Variants in CHRND observed in about 807,000 individuals in gnomAD.
CHRND encodes the protein acetylcholine receptor subunit delta.
Under a neutral mutation model 57.8 loss-of-function variants are expected in CHRND, and 40 were observed. That is an observed-to-expected ratio of 0.69 (90% CI 0.54 to 0.90). The LOEUF is 0.90. Ranked by LOEUF, CHRND falls within the 40% of genes least tolerant of loss-of-function variation. The pLI is 0.00. For missense variants in CHRND, 634 were observed against 673.9 expected (o/e 0.94, Z 0.66); for synonymous variants, 237 against 270.6 (o/e 0.88, Z 1.22).
At chr2:232,533,866 ACT>A in intron 9 of CHRND, 63 bp from the exon 10 acceptor site, 1 of 1,533,656 alleles carries the variant, frequency 6.5e-7, no homozygotes, top group Non-Finnish European at 8.9e-7. Context: ...ACAGAATGAG[ACT>A]CCGTCTCAAA....
At chr2:232,529,618 G>A (rs1291018462) in intron 6 of CHRND, among the ~76,000 whole-genome samples, 1 of 152,232 alleles carries the variant, frequency 6.6e-6, no homozygotes, top group African/African-American at 2.4e-5. Flanking sequence ...GTTTGACTTG[G>A]TGTCTTAATC....
At chr2:232,529,817 C>T (rs779304314) in intron 6 of CHRND, 122 bp from the exon 7 acceptor site, 52 of 1,019,370 alleles carry the variant, frequency 5.1e-5, no homozygotes, top group Non-Finnish European at 7.1e-5. Context: ...AACGGGACCC[C>T]GTAGACAGCC....
rs904304494 is a variant in CHRND at position 232,536,404 on chromosome 2, G to C, written c.*1092G>C. On this transcript the variant is annotated 3_prime_UTR_variant, in exon 12 of 12. Coordinates refer to ENST00000258385, the MANE Select transcript of CHRND (RefSeq NM_000751.3). The stretch of plus-strand genomic sequence containing the variant: ...CACATCAGTTGGATCTCTCACTTTG[G>C]GGAAGCCAGCTGGCATGTTAAGGAG... 1.1e-5 allele frequency: 5 copies of C among 453,976 alleles called. No homozygotes were observed. Among genetic ancestry groups the C allele is most frequent in the Admixed American group, 4.7e-5 (2 of 42,560 alleles). The allele number at this position is 453,976 out of a possible 1,614,324, so 28.1% of individuals were successfully genotyped here.
At position 232,527,310 on chromosome 2, in the gene CHRND, AAG is replaced by A. The variant is rs1553573947; in HGVS notation, c.199-68_199-67del. The A allele has an allele frequency of 0.034, 29,193 of 857,004 alleles. 89 individuals carry two copies. The highest frequency in any genetic ancestry group is 0.042 in the Non-Finnish European group (22,611 of 534,352). 53.1% of individuals were successfully genotyped at this position (857,004 alleles called of 1,614,324 possible). ...AATTGAGCAAGACCCTGGAAAAAAA[AAG>A]AGAGAGAGAGAGAGAGAGAGAGTGG... On this transcript the variant is annotated intron_variant, in intron 2 of 11. Transcript: ENST00000258385.
At chr2:232,533,613 G>A (rs916519263) in intron 9 of CHRND, among the ~76,000 whole-genome samples, 4 of 152,140 alleles carry the variant, frequency 2.6e-5, no homozygotes, top group African/African-American at 9.7e-5. Flanking sequence ...CAGACACGGT[G>A]CCTCGCCCGT....
chr2:232,530,893 C>G (rs935485573), intron 7 of CHRND, among the ~76,000 whole-genome samples: 1 of 152,148 alleles, frequency 6.6e-6, no homozygotes, highest in Admixed American at 6.5e-5. Context: ...CAGCACTGGG[C>G]TGGGGTCTCT....
intron 9 of CHRND, 21 bp downstream of exon 9, chr2:232,531,677 A>C: frequency 6.3e-7 from 1 of 1,591,958 alleles, no homozygotes. Context: ...GGCCCGGCGC[A>C]AAAGCTCACC....
Position 232,530,044 on chromosome 2 carries a change from T to TCCG in CHRND, c.730_732dup (p.Arg244dup). On this transcript the variant is annotated inframe_insertion, in exon 7 of 12. Transcript: ENST00000258385. ...CAGGACATCACCTTCTACCTCATCA[T>TCCG]CCGCCGCAAGCCCCTCTTCTACATC... The TCCG allele has an allele frequency of 4.3e-6, 7 of 1,614,038 alleles. No individual in the cohort carries two copies. The highest frequency in any genetic ancestry group is 5.9e-6 in the Non-Finnish European group (7 of 1,179,994).
intron 9 of CHRND, among the ~76,000 whole-genome samples, chr2:232,532,053 G>A (rs1233326155): frequency 1.3e-5 from 2 of 151,836 alleles, no homozygotes; most frequent in East Asian, 3.9e-4. Flanking sequence ...CAGCTACTCG[G>A]GAGGCTGAGG....
chr2:232,528,210 A>G (rs1691553451), intron 3 of CHRND, 52 bp from the exon 4 acceptor site: 4 of 1,548,592 alleles, frequency 2.6e-6, no homozygotes, highest in Non-Finnish European at 3.6e-6. Flanking sequence ...GGGGGGAGCC[A>G]GGAGCCTGGA....
At chr2:232,526,471 T>C (rs1691470863) in intron 1 of CHRND, 58 bp from the exon 2 acceptor site, 1 of 1,610,748 alleles carries the variant, frequency 6.2e-7, no homozygotes, top group Admixed American at 1.7e-5. Flanking sequence ...CAGGGCAGCT[T>C]CCTTCCTGAG....
chr2:232,533,894 A>C, intron 9 of CHRND, 37 bp from the exon 10 acceptor site: 1 of 1,603,950 alleles, frequency 6.2e-7, no homozygotes, highest in East Asian at 2.2e-5. Context: ...AGAACAAAAA[A>C]CAACGCCTTT....
intron 9 of CHRND, among the ~76,000 whole-genome samples, chr2:232,532,933 G>A (rs953785618): frequency 1.3e-5 from 2 of 152,220 alleles, no homozygotes; most frequent in African/African-American, 2.4e-5. Flanking sequence ...AGGACTGAGT[G>A]CAGGGTGCTC....
chr2:232,532,278 G>T (rs1251867711), intron 9 of CHRND, among the ~76,000 whole-genome samples: 1 of 151,908 alleles, frequency 6.6e-6, no homozygotes, highest in East Asian at 1.9e-4. Flanking sequence ...GACCACCCTG[G>T]CCAACATGGT....
At chr2:232,533,794 T>C in intron 9 of CHRND, 137 bp from the exon 10 acceptor site, 2 of 884,088 alleles carry the variant, frequency 2.3e-6, no homozygotes, top group Non-Finnish European at 3.7e-6. Context: ...AAGAAATCAC[T>C]TGAACCCGAG....
At chr2:232,527,312 G>GAC in intron 2 of CHRND, 89 bp from the exon 3 acceptor site, 1 of 432,096 alleles carries the variant, frequency 2.3e-6, no homozygotes, top group Non-Finnish European at 4.0e-6. Context: ...GAAAAAAAAA[G>GAC]AGAGAGAGAG....
rs1559296799 is a variant in CHRND, at chr2:232,531,646, G to A, written c.1037G>A (p.Gly346Glu). 1.2e-6 allele frequency: 2 copies of A among 1,612,972 alleles called. No homozygotes were observed. Among genetic ancestry groups the A allele is most frequent in the Non-Finnish European group, 1.7e-6 (2 of 1,179,834 alleles). The change falls in exon 9 of 12, where the codon GGG becomes GAG. Residue 346 changes from glycine to glutamate, a missense_variant. Transcript: ENST00000258385. ...RTPSTHVLSE[G>E]VKKLFLETLP... is the part of the protein sequence containing the mutation. ...CCCAGCACCCATGTGCTGTCTGAGGGGGTCAAGAAGGTGAGTACTTGGCCC... is the reference window on the plus strand; with the variant it reads ...CCCAGCACCCATGTGCTGTCTGAGGAGGTCAAGAAGGTGAGTACTTGGCCC...
At chr2:232,529,138 C>T (rs1487777194) in intron 6 of CHRND, among the ~76,000 whole-genome samples, 167 bp downstream of exon 6, 2 of 152,166 alleles carry the variant, frequency 1.3e-5, no homozygotes, top group African/African-American at 4.8e-5. Context: ...CACATATCCG[C>T]CCACAGAGGA....
At chr2:232,533,522 AC>A (rs1294140326) in intron 9 of CHRND, among the ~76,000 whole-genome samples, 3 of 152,182 alleles carry the variant, frequency 2.0e-5, no homozygotes, top group Non-Finnish European at 4.4e-5. Context: ...ACGGGGGAGC[AC>A]TTTGTGGCAG....
Sources: gnomAD v4.1 joint callset for allele counts (sites outside exome capture counted in the v4.1 genomes callset) on GRCh38, gnomAD v4.1.1 for gene constraint, MANE v1.5 for transcripts, NCBI Gene and HGNC (gene_info 2026-07-23, HGNC 2026-07-21) for gene names.